LRMDA: variants seen among roughly 807,000 people sequenced by gnomAD.
LRMDA encodes the protein leucine-rich melanocyte differentiation-associated protein.
Under a neutral mutation model 29.8 loss-of-function variants are expected in LRMDA, and 18 were observed. That is an observed-to-expected ratio of 0.60 (90% confidence interval 0.42 to 0.90). The LOEUF is 0.90. Among genes scored for constraint, LRMDA ranks in the 40% least tolerant of loss-of-function variants. The probability of loss-of-function intolerance (pLI) is 0.00; values close to 1 mark genes in which losing one functional copy is unlikely to be tolerated. For missense variants in LRMDA, 273 were observed against 273.9 expected, an observed-to-expected ratio of 1.00 and a Z score of 0.02; for synonymous variants, 125 against 109.4, an observed-to-expected ratio of 1.14 and a Z score of -0.89.
intron 2 of LRMDA, among the ~76,000 whole-genome samples, chr10:75,565,550 G>T (rs1315718609): frequency 6.6e-6 from 1 of 152,202 alleles, no homozygotes; most frequent in Non-Finnish European, 1.5e-5. Flanking sequence ...AATCAAACAG[G>T]TGTAGATGAC....
At chr10:75,442,554 C>T (rs921803378) in intron 2 of LRMDA, among the ~76,000 whole-genome samples, 2 of 152,124 alleles carry the variant, frequency 1.3e-5, no homozygotes, top group Non-Finnish European at 2.9e-5. Flanking sequence ...TGTTGAAGGT[C>T]AATTGACTGT....
chr10:76,370,632 A>C (rs1841443306), intron 6 of LRMDA, among the ~76,000 whole-genome samples: 1 of 152,116 alleles, frequency 6.6e-6, no homozygotes, highest in Non-Finnish European at 1.5e-5. Flanking sequence ...TATTCGTATA[A>C]CTTTTATTAT....
At chr10:76,542,139 G>A (rs745990395) in intron 6 of LRMDA, among the ~76,000 whole-genome samples, 24 of 152,096 alleles carry the variant, frequency 1.6e-4, no homozygotes, top group Non-Finnish European at 7.4e-5. Context: ...ATAGGAGTTT[G>A]CACATTTTCA....
rs748923447 is a variant in LRMDA at position 76,416,974 on chromosome 10, C to T, written c.601+92489C>T. Among the ~76,000 whole-genome samples, 7 of 152,144 alleles carry T rather than the reference C, an allele frequency of 4.6e-5. No individual in the cohort carries two copies. In the South Asian group the frequency reaches 6.2e-4, roughly 14 times the overall value. On this transcript the variant is annotated intron_variant, in intron 6 of 6. Transcript: ENST00000611255. ...ACGAGGCATAGTGCATCTCCTAGGC[C>T]GGAAATGTTTCACTCACTAATGAGC...
intron 5 of LRMDA, among the ~76,000 whole-genome samples, chr10:76,306,898 C>A (rs762064666): frequency 1.3e-5 from 2 of 152,174 alleles, no homozygotes; most frequent in Admixed American, 6.5e-5. Flanking sequence ...TTGACACATG[C>A]TAATTAGTAA....
chr10:75,754,176 T>C, intron 2 of LRMDA, among the ~76,000 whole-genome samples: 1 of 152,226 alleles, frequency 6.6e-6, no homozygotes, highest in East Asian at 1.9e-4. Flanking sequence ...TTCCTTTATC[T>C]GACCTGCATT....
At chr10:75,576,749 G>A (rs1840510732) in intron 2 of LRMDA, among the ~76,000 whole-genome samples, 1 of 152,166 alleles carries the variant, frequency 6.6e-6, no homozygotes, top group Non-Finnish European at 1.5e-5. Context: ...AGGCAAACAG[G>A]GTCTGGAGTG....
At chr10:75,699,224 T>G (rs1842276358) in intron 2 of LRMDA, among the ~76,000 whole-genome samples, 1 of 151,520 alleles carries the variant, frequency 6.6e-6, no homozygotes, top group Non-Finnish European at 1.5e-5. Context: ...AAAATCAAAC[T>G]TTCTGAATTT....
rs142842641 is a variant in LRMDA, at chr10:75,952,235, G to A, written c.132-83773G>A. On this transcript the variant is annotated intron_variant, in intron 2 of 6. Transcript: ENST00000611255. Reference sequence around the variant, plus strand: ...TATTTTCTTTCCTTGGTTTTACCACGGTATGACCTCGTGTTGTATTTTTTC... The same window carrying A: ...TATTTTCTTTCCTTGGTTTTACCACAGTATGACCTCGTGTTGTATTTTTTC... 2.2e-4 allele frequency among the ~76,000 whole-genome samples: 33 copies of A among 152,062 alleles called. No individual in the cohort carries two copies. The East Asian group carries it at 5.8e-3, about 27-fold the overall frequency.
chr10:75,730,035 A>G (rs1589175000), intron 2 of LRMDA, among the ~76,000 whole-genome samples: 1 of 151,530 alleles, frequency 6.6e-6, no homozygotes, highest in African/African-American at 2.4e-5. Context: ...CCCAACCCCC[A>G]CCTCCCCGCC....
intron 2 of LRMDA, among the ~76,000 whole-genome samples, chr10:75,577,239 G>A (rs1490049075): frequency 2.6e-5 from 4 of 152,118 alleles, no homozygotes; most frequent in Non-Finnish European, 4.4e-5. Flanking sequence ...ACTTCGTGAA[G>A]CATACACAAG....
chr10:76,005,028 T>G (rs1200078849), intron 2 of LRMDA, among the ~76,000 whole-genome samples: 1 of 152,082 alleles, frequency 6.6e-6, no homozygotes, highest in African/African-American at 2.4e-5. Context: ...TGCCTGGCCT[T>G]AAAATTTTTA....
At chr10:76,067,452 G>A (rs181672589) in intron 5 of LRMDA, among the ~76,000 whole-genome samples, 40 of 152,342 alleles carry the variant, frequency 2.6e-4, no homozygotes, top group African/African-American at 8.9e-4. Context: ...GGAAAGAGAA[G>A]AGGGAAAAGG....
At chr10:76,115,877 GC>G (rs1353365283) in intron 5 of LRMDA, among the ~76,000 whole-genome samples, 1 of 152,170 alleles carries the variant, frequency 6.6e-6, no homozygotes, top group Non-Finnish European at 1.5e-5. Flanking sequence ...GCCAGATGGA[GC>G]CGGCGACCTT....
chr10:76,135,174 C>T (rs968324134), intron 5 of LRMDA, among the ~76,000 whole-genome samples: 1 of 152,142 alleles, frequency 6.6e-6, no homozygotes. Context: ...CCTCTTGGAC[C>T]AGAAGAGAAG....
intron 5 of LRMDA, among the ~76,000 whole-genome samples, chr10:76,189,895 C>T (rs573941701): frequency 3.3e-5 from 5 of 152,298 alleles, no homozygotes; most frequent in Non-Finnish European, 2.9e-5. Context: ...GAAGATGCGC[C>T]CTGCACACAG....
chr10:75,909,875 A>G (rs1191306203), intron 2 of LRMDA, among the ~76,000 whole-genome samples: 1 of 152,198 alleles, frequency 6.6e-6, no homozygotes, highest in East Asian at 1.9e-4. Flanking sequence ...CTAAATTTTG[A>G]TGGAGTAAGC....
At chr10:76,239,534 C>T (rs1242045148) in intron 5 of LRMDA, among the ~76,000 whole-genome samples, 1 of 151,698 alleles carries the variant, frequency 6.6e-6, no homozygotes, top group Non-Finnish European at 1.5e-5. Context: ...CTTTAATCAT[C>T]TCCCTCCCCT....
At chr10:75,714,436 A>G (rs999623743) in intron 2 of LRMDA, among the ~76,000 whole-genome samples, 2 of 152,186 alleles carry the variant, frequency 1.3e-5, no homozygotes, top group African/African-American at 4.8e-5. Context: ...ATTATATTGT[A>G]TATTAATCCC....
Sources: gnomAD v4.1 joint callset for allele counts (sites outside exome capture counted in the v4.1 genomes callset) on GRCh38, gnomAD v4.1.1 for gene constraint, MANE v1.5 for transcripts, NCBI Gene and HGNC (gene_info 2026-07-23, HGNC 2026-07-21) for gene names.